Variants in STAC observed in about 807,000 individuals in gnomAD.
STAC encodes SH3 and cysteine-rich domain-containing protein.
A neutral mutation model predicts 48.8 loss-of-function variants in STAC; 43 were observed. The observed-to-expected ratio is 0.88, with a 90% CI of 0.69 to 1.14. The LOEUF (loss-of-function observed/expected upper bound fraction) is 1.14, where lower values mean the gene tolerates loss of function less well. Among genes scored for constraint, STAC ranks in the 50% most tolerant of loss-of-function variants. The pLI, the probability that STAC is intolerant of heterozygous loss-of-function variation, is 0.00. For synonymous variants in STAC, 193 were observed against 179.5 expected (o/e 1.07, Z -0.60); for missense variants, 497 against 504.0 (o/e 0.99, Z 0.13).
intron 1 of STAC, among the ~76,000 whole-genome samples, chr3:36,397,509 T>C (rs558696950): frequency 3.9e-5 from 6 of 152,316 alleles, no homozygotes; most frequent in African/African-American, 1.2e-4. Flanking sequence ...TCAAAATAAA[T>C]GTGTCATGAA....
At chr3:36,452,971 C>T (rs1485018300) in intron 2 of STAC, among the ~76,000 whole-genome samples, 1 of 152,220 alleles carries the variant, frequency 6.6e-6, no homozygotes, top group East Asian at 1.9e-4. Context: ...CCCACCCAGA[C>T]CCCTATCCAG....
intron 1 of STAC, among the ~76,000 whole-genome samples, chr3:36,427,255 G>A (rs935085951): frequency 6.6e-6 from 1 of 152,160 alleles, no homozygotes; most frequent in Non-Finnish European, 1.5e-5. Context: ...AGAACACTGT[G>A]AGCCTGTGAA....
At chr3:36,542,845 C>T (rs147720563) in intron 10 of STAC, among the ~76,000 whole-genome samples, 294 of 152,246 alleles carry the variant, frequency 1.9e-3, no homozygotes, top group African/African-American at 6.9e-3. Flanking sequence ...GTCAGGGATC[C>T]GTCTGTCTTG....
chr3:36,517,460 C>G (rs368651112), intron 8 of STAC, among the ~76,000 whole-genome samples: 251 of 152,118 alleles, frequency 1.7e-3, no homozygotes, highest in African/African-American at 5.7e-3. Flanking sequence ...AACCAGCCTG[C>G]GCAACATGGA....
At chr3:36,444,513 C>T (rs1486953788) in intron 2 of STAC, among the ~76,000 whole-genome samples, 8 of 152,256 alleles carry the variant, frequency 5.3e-5, no homozygotes, top group Non-Finnish European at 8.8e-5. Context: ...ATGCACTTCT[C>T]ATGGCGAGGA....
At chr3:36,467,716 T>G (rs1697217250) in intron 2 of STAC, among the ~76,000 whole-genome samples, 1 of 152,162 alleles carries the variant, frequency 6.6e-6, no homozygotes, top group African/African-American at 2.4e-5. Context: ...CAATTGAGCT[T>G]ATTTGGATCT....
intron 6 of STAC, among the ~76,000 whole-genome samples, chr3:36,493,921 C>G (rs559281989): frequency 6.6e-6 from 1 of 151,604 alleles, no homozygotes; most frequent in Non-Finnish European, 1.5e-5. Flanking sequence ...GAGGCCGAGG[C>G]GGGCGGATCA....
chr3:36,444,606 G>A (rs762652954), intron 2 of STAC, among the ~76,000 whole-genome samples: 4 of 152,188 alleles, frequency 2.6e-5, no homozygotes, highest in East Asian at 1.9e-4. Context: ...TTCGTTAGCC[G>A]AATTAAGTTA....
In STAC at chr3:36,547,693, A is replaced by G. The variant is rs2125509492; in HGVS notation, c.*1404A>G. 6.6e-6 allele frequency: 1 copy of G among 152,624 alleles called. No homozygotes were observed. Among genetic ancestry groups the G allele is most frequent in the South Asian group, 2.1e-4 (1 of 4,810 alleles). 9.5% of individuals were successfully genotyped at this position (152,624 alleles called of 1,614,324 possible). A position where few individuals can be genotyped will look rare whatever the true frequency, so the allele number is the denominator to read the frequency against. ...CATGTAAGCATTATTTCCCAAACCA[A>G]AGCATCATTCATCTCCATTTATTTC... On this transcript the variant is annotated 3_prime_UTR_variant, in exon 11 of 11. Coordinates refer to ENST00000273183, the MANE Select transcript of STAC (RefSeq NM_003149.3).
chr3:36,395,917 T>C (rs1699849436), intron 1 of STAC, among the ~76,000 whole-genome samples: 1 of 138,380 alleles, frequency 7.2e-6, no homozygotes, highest in African/African-American at 2.8e-5. Context: ...TCTATAAGCA[T>C]CTCTCCACAA....
intron 1 of STAC, among the ~76,000 whole-genome samples, chr3:36,388,911 T>G (rs2125614244): frequency 6.6e-6 from 1 of 152,316 alleles, no homozygotes; most frequent in East Asian, 1.9e-4. Context: ...TAATAGAGTT[T>G]GATAATTAAT....
intron 2 of STAC, among the ~76,000 whole-genome samples, chr3:36,453,273 G>A (rs1696738789): frequency 6.6e-6 from 1 of 152,246 alleles, no homozygotes; most frequent in South Asian, 2.1e-4. Context: ...GCCCGCCGCT[G>A]CACTGTGGGG....
chr3:36,482,776 T>C (rs1251826120), intron 2 of STAC, among the ~76,000 whole-genome samples: 3 of 152,104 alleles, frequency 2.0e-5, no homozygotes, highest in African/African-American at 7.2e-5. Context: ...GAGTAGTGAA[T>C]AGGAAAGATG....
chr3:36,461,565 G>A (rs750767225), intron 2 of STAC, among the ~76,000 whole-genome samples: 1 of 152,138 alleles, frequency 6.6e-6, no homozygotes, highest in Non-Finnish European at 1.5e-5. Context: ...ATTTTCTAAG[G>A]TGATAAATGA....
intron 1 of STAC, among the ~76,000 whole-genome samples, chr3:36,418,814 G>A (rs759671690): frequency 3.8e-4 from 57 of 151,942 alleles, no homozygotes; most frequent in Non-Finnish European, 7.5e-4. Context: ...TTGGGAGGCC[G>A]AGGCGGGCAG....
At chr3:36,400,241 A>T (rs1041636033) in intron 1 of STAC, among the ~76,000 whole-genome samples, 13 of 152,368 alleles carry the variant, frequency 8.5e-5, no homozygotes, top group African/African-American at 2.9e-4. Flanking sequence ...ATAAATGGAT[A>T]GATACAGAGA....
chr3:36,463,841 C>T (rs1208590141), intron 2 of STAC, among the ~76,000 whole-genome samples: 1 of 152,064 alleles, frequency 6.6e-6, no homozygotes, highest in African/African-American at 2.4e-5. Flanking sequence ...CTACAAAGGA[C>T]ATGAACTCAT....
intron 10 of STAC, among the ~76,000 whole-genome samples, chr3:36,537,061 G>C (rs1018243855): frequency 2.6e-5 from 4 of 152,132 alleles, no homozygotes; most frequent in Admixed American, 2.6e-4. Flanking sequence ...ATGCTGATGA[G>C]GCTGTGGAGA....
intron 8 of STAC, among the ~76,000 whole-genome samples, chr3:36,522,441 T>C (rs1004379520): frequency 6.6e-6 from 1 of 152,214 alleles, no homozygotes; most frequent in Non-Finnish European, 1.5e-5. Flanking sequence ...CAAAAAATAT[T>C]GATGGGGTAA....
Sources: gnomAD v4.1 joint callset for allele counts (sites outside exome capture counted in the v4.1 genomes callset) on GRCh38, gnomAD v4.1.1 for gene constraint, MANE v1.5 for transcripts, NCBI Gene and HGNC (gene_info 2026-07-23, HGNC 2026-07-21) for gene names.